Variants in BOC observed in about 807,000 individuals in gnomAD.
BOC encodes the protein brother of CDO.
BOC carries 76 observed loss-of-function variants against 112.0 expected under a neutral mutation model. The ratio of observed to expected loss-of-function variants is 0.68; its 90% confidence interval spans 0.56 to 0.82. The LOEUF (loss-of-function observed/expected upper bound fraction) is 0.82, where lower values mean the gene tolerates loss of function less well. BOC is among the 40% of genes least tolerant of loss of function. The pLI is 0.00. For synonymous variants in BOC, 580 were observed against 599.8 expected, an observed-to-expected ratio of 0.97 and a Z score of 0.48; for missense variants, 1,309 against 1,511.7, an observed-to-expected ratio of 0.87 and a Z score of 2.22.
At chr3:113,247,378 A>T (rs1460251835) in intron 2 of BOC, among the ~76,000 whole-genome samples, 1 of 152,124 alleles carries the variant, frequency 6.6e-6, no homozygotes, top group East Asian at 1.9e-4. Context: ...TGGAAAATTG[A>T]GAGGAAACCA....
At chr3:113,225,223 G>A (rs1339660326) in intron 2 of BOC, among the ~76,000 whole-genome samples, 2 of 151,686 alleles carry the variant, frequency 1.3e-5, no homozygotes, top group South Asian at 2.1e-4. Flanking sequence ...GTAGTGAGCC[G>A]AGATTGCACC....
Position 113,279,928 on chromosome 3 carries a change from T to C in BOC, c.2128T>C (p.Tyr710His). The C allele has an allele frequency of 6.2e-7, 1 of 1,614,014 alleles. No individual in the cohort carries two copies. The highest frequency in any genetic ancestry group is 8.5e-7 in the Non-Finnish European group (1 of 1,179,984). ...GGTGTCGGGCTACAGCGGTCGCGTG[T>C]ACGAGAGGCCCGTGGCAGGTCCTTA... is the stretch of plus-strand genomic sequence containing the variant. ...YVVSGYSGRV[Y>H]ERPVAGPYIT... The change falls in exon 13 of 20, where the codon TAC (tyrosine) becomes CAC (histidine). Residue 710 changes from tyrosine to histidine, a missense_variant. By Grantham distance (83) the Tyr-to-His change is moderately conservative (BLOSUM62 2). Transcript: ENST00000682979.
intron 9 of BOC, among the ~76,000 whole-genome samples, chr3:113,276,709 C>T (rs1559878203): frequency 6.6e-6 from 1 of 152,160 alleles, no homozygotes; most frequent in Non-Finnish European, 1.5e-5. Flanking sequence ...ATCTGCAGAC[C>T]CTGGGCTACT....
intron 2 of BOC, among the ~76,000 whole-genome samples, chr3:113,225,056 G>A (rs917953302): frequency 5.3e-5 from 8 of 151,802 alleles, no homozygotes; most frequent in Admixed American, 1.3e-4. Flanking sequence ...CAGCCTGGGC[G>A]ACAGGGTGAG....
intron 2 of BOC, among the ~76,000 whole-genome samples, chr3:113,232,052 G>GA (rs372120455): frequency 8.4e-4 from 128 of 152,238 alleles, no homozygotes; most frequent in African/African-American, 2.9e-3. Context: ...TCAGCAGGGG[G>GA]ATCCTCTTTG....
At chr3:113,215,894 C>T (rs949270931) in intron 1 of BOC, among the ~76,000 whole-genome samples, 1 of 152,100 alleles carries the variant, frequency 6.6e-6, no homozygotes, top group African/African-American at 2.4e-5. Flanking sequence ...ATAATGTGTT[C>T]TTAAGAAATA....
chr3:113,216,697 C>T (rs994607982), intron 2 of BOC, among the ~76,000 whole-genome samples: 1 of 152,194 alleles, frequency 6.6e-6, no homozygotes, highest in African/African-American at 2.4e-5. Context: ...TGATTCTTCC[C>T]ATCTTCTGAA....
intron 9 of BOC, among the ~76,000 whole-genome samples, chr3:113,276,592 G>T (rs1948697482): frequency 6.6e-6 from 1 of 152,214 alleles, no homozygotes; most frequent in Admixed American, 6.5e-5. Context: ...TCGAAAGTCA[G>T]CATTCGGGCT....
In BOC at chr3:113,216,249, A is replaced by AG. The variant is rs1415193390; in HGVS notation, c.-104dup. 66 of 456,474 alleles carry AG rather than the reference A, an allele frequency of 1.4e-4. No homozygotes were observed. The highest frequency in any genetic ancestry group is 1.3e-3 in the African/African-American group (63 of 50,040). 28.3% of individuals were successfully genotyped at this position (456,474 alleles called of 1,614,324 possible). On this transcript the variant is annotated 5_prime_UTR_variant, in exon 2 of 20. It introduces an in-frame stop codon into an upstream open reading frame of the 5' UTR. Coordinates refer to ENST00000682979, the MANE Select transcript of BOC (RefSeq NM_001378074.1). ...GTCTTGTCGACATTTATACCGTCTG[A>AG]GGGTAGCAGCTCGAAAGTAGAAGAA...
At chr3:113,270,675 T>G (rs1230128974) in intron 5 of BOC, 126 bp from the exon 6 acceptor site, 2 of 1,080,120 alleles carry the variant, frequency 1.9e-6, no homozygotes, top group Non-Finnish European at 1.3e-6. Context: ...GGGACTCAGG[T>G]GGACATCAGC....
In BOC at chr3:113,250,704, G is replaced by A. The variant is rs1426434613; in HGVS notation, c.247G>A (p.Gly83Ser). 1.2e-6 allele frequency: 2 copies of A among 1,614,090 alleles called. No individual in the cohort carries two copies. Among genetic ancestry groups the A allele is most frequent in the South Asian group, 2.2e-5 (2 of 91,074 alleles). ...GCTGAATGGCTCGGATGATGCTCTG[G>A]GTGTCCTCATCACCCACGGGACCCT... ...KELNGSDDAL[G>S]VLITHGTLVI... is the part of the protein sequence containing the mutation. The change falls in exon 4 of 20, where the codon GGT (glycine) becomes AGT (serine). Residue 83 changes from glycine (G) to serine (S), a missense_variant. Coordinates refer to ENST00000682979, the MANE Select transcript of BOC (RefSeq NM_001378074.1).
At chr3:113,226,944 T>C (rs932115651) in intron 2 of BOC, among the ~76,000 whole-genome samples, 1 of 152,240 alleles carries the variant, frequency 6.6e-6, no homozygotes, top group Non-Finnish European at 1.5e-5. Context: ...TTAACAGATA[T>C]TGAGCACTAT....
chr3:113,279,364 C>T lies in BOC; in HGVS notation c.1932C>T (p.Tyr644=), dbSNP rs768212805. The change falls in exon 12 of 20, where the codon TAC becomes TAT. Residue 644 remains tyrosine, a synonymous_variant. Coordinates refer to ENST00000682979, the MANE Select transcript of BOC (RefSeq NM_001378074.1). ...CAATCCAGTCCTTCCGTGTGGAGTA[C>T]AAGAAGCTAAAGAAAGTGGGAGACT... is the stretch of plus-strand genomic sequence containing the variant. The part of the protein sequence containing the change: ...GFPIQSFRVE[Y]KKLKKVGDWI... 1.9e-6 allele frequency: 3 copies of T among 1,614,062 alleles called. No individual in the cohort carries two copies. In the African/African-American group the frequency reaches 4.0e-5, roughly 22 times the overall value.
chr3:113,215,946 T>C (rs1939286708), intron 1 of BOC, among the ~76,000 whole-genome samples: 2 of 152,238 alleles, frequency 1.3e-5, no homozygotes, highest in African/African-American at 4.8e-5. Flanking sequence ...AACATAAAGG[T>C]AATGGTTTTG....
At chr3:113,212,466 G>A (rs555370445) in intron 1 of BOC, 3 of 152,252 alleles carry the variant, frequency 2.0e-5, no homozygotes, top group Non-Finnish European at 2.9e-5. Flanking sequence ...GGGGGAACCC[G>A]AGGCGTGGCG....
chr3:113,258,111 G>A (rs972689822), intron 4 of BOC, among the ~76,000 whole-genome samples: 1 of 152,156 alleles, frequency 6.6e-6, no homozygotes, highest in African/African-American at 2.4e-5. Context: ...AGGGGATTGC[G>A]GAAGACTCAG....
At chr3:113,272,815 T>C in intron 7 of BOC, 112 bp downstream of exon 7, 1 of 1,327,350 alleles carries the variant, frequency 7.5e-7, no homozygotes. Context: ...AAAGGCCACA[T>C]GCTGAGTGAG....
intron 2 of BOC, among the ~76,000 whole-genome samples, chr3:113,246,007 C>T (rs545905609): frequency 6.6e-6 from 1 of 152,260 alleles, no homozygotes; most frequent in South Asian, 2.1e-4. Flanking sequence ...TGATGATGAT[C>T]GACTCTCAGT....
intron 2 of BOC, among the ~76,000 whole-genome samples, chr3:113,224,995 T>C (rs1335389585): frequency 6.6e-6 from 1 of 152,118 alleles, no homozygotes; most frequent in African/African-American, 2.4e-5. Flanking sequence ...GAGAATGGCA[T>C]GAACCCGGGA....
Sources: gnomAD v4.1 joint callset for allele counts (sites outside exome capture counted in the v4.1 genomes callset) on GRCh38, gnomAD v4.1.1 for gene constraint, MANE v1.5 for transcripts, NCBI Gene and HGNC (gene_info 2026-07-23, HGNC 2026-07-21) for gene names.